Variants in GALC observed in about 807,000 individuals in gnomAD.
The protein encoded by GALC is galactocerebrosidase.
GALC carries 77 observed loss-of-function variants against 91.8 expected under a neutral mutation model. The observed-to-expected ratio is 0.84, with a 90% CI of 0.70 to 1.01. The LOEUF is 1.01. GALC is among the 50% of genes least tolerant of loss of function. GALC has a pLI of 0.00. For missense variants in GALC, 882 were observed against 855.9 expected (o/e 1.03, Z -0.38); for synonymous variants, 357 against 306.7 (o/e 1.16, Z -1.71).
intron 7 of GALC, among the ~76,000 whole-genome samples, chr14:87,968,946 A>T (rs1413181553): frequency 6.6e-6 from 1 of 152,052 alleles, no homozygotes; most frequent in Non-Finnish European, 1.5e-5. Context: ...CAAAAATAAG[A>T]CTAGTGAAAC....
chr14:87,984,536 G>A lies in GALC; in HGVS notation c.443-3C>T, dbSNP rs768538840. 1 of 1,614,100 alleles carries A rather than the reference G, an allele frequency of 6.2e-7. No homozygotes were observed. Among genetic ancestry groups the A allele is most frequent in the Admixed American group, 1.7e-5 (1 of 60,016 alleles). On this transcript the variant is annotated splice_polypyrimidine_tract_variant and splice_region_variant and intron_variant, in intron 4 of 16. Coordinates refer to ENST00000261304, the MANE Select transcript of GALC (RefSeq NM_000153.4). Reference sequence around the variant, plus strand: ...TCCAGGGAATGACCATGGCAACCCTGCAGAGAGAAGGGAGGAGGCAAAGGT... The same window carrying A: ...TCCAGGGAATGACCATGGCAACCCTACAGAGAGAAGGGAGGAGGCAAAGGT...
chr14:87,934,027 G>A lies in GALC; in HGVS notation c.*705C>T. On this transcript the variant is annotated 3_prime_UTR_variant, in exon 17 of 17. Transcript: ENST00000261304. ...GGAAAAACGTTCACAGAGAGTTATA[G>A]TGGTTACAAGACCAAAACTTGGAAT... 2.0e-6 allele frequency: 3 copies of A among 1,534,062 alleles called. No individual in the cohort carries two copies. Among genetic ancestry groups the A allele is most frequent in the Non-Finnish European group, 2.6e-6 (3 of 1,145,740 alleles).
At chr14:87,981,880 T>C (rs1181362886) in intron 6 of GALC, among the ~76,000 whole-genome samples, 3 of 152,154 alleles carry the variant, frequency 2.0e-5, no homozygotes, top group Admixed American at 6.5e-5. Context: ...TTTCTTGAAG[T>C]TCTAAAAATC....
At chr14:87,983,024 G>T (rs1252933872) in intron 5 of GALC, among the ~76,000 whole-genome samples, 1 of 152,116 alleles carries the variant, frequency 6.6e-6, no homozygotes, top group Non-Finnish European at 1.5e-5. Context: ...CTCACTACAG[G>T]TTATAAATGT....
chr14:87,992,443 C>A, intron 1 of GALC: 1 of 1,534,864 alleles, frequency 6.5e-7, no homozygotes, highest in Non-Finnish European at 8.7e-7. Context: ...GCTACCCTCT[C>A]TGGAGGAGCC....
At chr14:87,954,200 T>G in intron 10 of GALC, 1 of 1,567,340 alleles carries the variant, frequency 6.4e-7, no homozygotes, top group Non-Finnish European at 8.8e-7. Flanking sequence ...TCAGAGATCT[T>G]CCTCCGAGGC....
intron 10 of GALC, among the ~76,000 whole-genome samples, chr14:87,958,029 CAA>C (rs1264974321): frequency 6.6e-6 from 1 of 151,838 alleles, no homozygotes; most frequent in Admixed American, 6.6e-5. Context: ...CATATGGAAC[CAA>C]AAAAGAGTCC....
At chr14:87,953,330 A>T in intron 10 of GALC, 2 of 1,432,800 alleles carry the variant, frequency 1.4e-6, no homozygotes. Context: ...AAGGCAAGTT[A>T]CGGGAAGATA....
At chr14:87,984,019 C>T (rs1309755772) in intron 5 of GALC, among the ~76,000 whole-genome samples, 2 of 150,584 alleles carry the variant, frequency 1.3e-5, no homozygotes, top group African/African-American at 4.9e-5. Context: ...TGGCTTAAGA[C>T]AACAAGAGGA....
rs559574072 is a variant in GALC, at chr14:87,971,436, C to T, written c.753-2946G>A. Among the ~76,000 whole-genome samples, 4 of 152,176 alleles carry T rather than the reference C, an allele frequency of 2.6e-5. No individual in the cohort carries two copies. In the South Asian group the frequency reaches 8.3e-4, roughly 32 times the overall value. ...AACCCAATACTGTAACAGTTCAAAC[C>T]AGATCTGTCTGGTAGAAATATGATA... On this transcript the variant is annotated intron_variant, in intron 7 of 16. Coordinates refer to ENST00000261304, the MANE Select transcript of GALC (RefSeq NM_000153.4).
Position 87,965,538 on chromosome 14 carries a change from G to T in GALC, c.1000C>A (p.His334Asn), listed in dbSNP as rs781410346. ...LMTAQEPWSGHYVVESPVWVS... is the reference protein window; with the variant it reads ...LMTAQEPWSGNYVVESPVWVS... ...CAGACAGGAGATTCTACCACGTAGTGCCCACTCCATGGCTCCTGGGCCGTC... is the reference window on the plus strand; with the variant it reads ...CAGACAGGAGATTCTACCACGTAGTTCCCACTCCATGGCTCCTGGGCCGTC... Residue 334 changes from histidine to asparagine, a missense_variant, in exon 9 of 17, where the codon CAC (histidine) becomes AAC (asparagine). His to Asn is a moderately conservative substitution (Grantham distance 68). Transcript: ENST00000261304. 1 of 1,613,420 alleles carries T rather than the reference G, an allele frequency of 6.2e-7. No individual in the cohort carries two copies. The highest frequency in any genetic ancestry group is 2.2e-5 in the East Asian group (1 of 44,856).
At chr14:87,992,857 G>A (rs1887267400) in intron 1 of GALC, 113 bp downstream of exon 1, 1 of 1,397,044 alleles carries the variant, frequency 7.2e-7, no homozygotes, top group Non-Finnish European at 9.2e-7. Flanking sequence ...AGGGGAATGC[G>A]GCGGAGAGTG....
chr14:87,986,460 G>A (rs1886973874), intron 4 of GALC, 29 bp downstream of exon 4: 2 of 1,339,216 alleles, frequency 1.5e-6, no homozygotes, highest in South Asian at 2.4e-5. Flanking sequence ...AAAAGAGACT[G>A]AAGAAACATT....
chr14:87,975,773 C>T (rs1482040834), intron 7 of GALC, among the ~76,000 whole-genome samples: 1 of 152,044 alleles, frequency 6.6e-6, no homozygotes, highest in Non-Finnish European at 1.5e-5. Context: ...CACACACACA[C>T]ACAAACATAC....
intron 13 of GALC, 135 bp from the exon 14 acceptor site, chr14:87,945,868 G>T: frequency 1.5e-6 from 1 of 676,616 alleles, no homozygotes; most frequent in Non-Finnish European, 2.5e-6. Flanking sequence ...AAAGTTTAGG[G>T]CCTAGGTCTA....
chr14:87,940,118 C>A (rs774249733), intron 15 of GALC, 137 bp from the exon 16 acceptor site: 1 of 756,412 alleles, frequency 1.3e-6, no homozygotes, highest in Non-Finnish European at 2.4e-6. Flanking sequence ...CCCTTCATTC[C>A]CAGATCTACA....
intron 6 of GALC, among the ~76,000 whole-genome samples, chr14:87,977,850 G>A (rs1330451951): frequency 3.9e-5 from 6 of 152,088 alleles, no homozygotes; most frequent in African/African-American, 1.4e-4. Context: ...TATATTATAG[G>A]ATTTTAGAAA....
chr14:87,990,076 T>A (rs1887133733), intron 1 of GALC, among the ~76,000 whole-genome samples: 1 of 152,192 alleles, frequency 6.6e-6, no homozygotes, highest in African/African-American at 2.4e-5. Context: ...CCCTGCTCAC[T>A]GATTTGATGT....
At chr14:87,982,770 A>C (rs966123819) in intron 5 of GALC, among the ~76,000 whole-genome samples, 1 of 152,258 alleles carries the variant, frequency 6.6e-6, no homozygotes, top group African/African-American at 2.4e-5. Context: ...GTTTAGAGTC[A>C]TGAAGCATGG....
Sources: allele counts gnomAD v4.1 joint callset (sites outside exome capture counted in the v4.1 genomes callset), GRCh38; gene constraint gnomAD v4.1.1; transcripts MANE v1.5; gene names NCBI Gene and HGNC (gene_info 2026-07-23, HGNC 2026-07-21).